The following MON2 variants were observed in gnomAD, a reference collection of about 807,000 sequenced individuals.
MON2 encodes the protein MON2 regulator of endosome-to-Golgi trafficking, also known as protein MON2 homolog.
MON2 carries 84 observed loss-of-function variants against 208.6 expected under a neutral mutation model. The ratio of observed to expected loss-of-function variants is 0.40; its 90% CI spans 0.34 to 0.48. The LOEUF (loss-of-function observed/expected upper bound fraction) is 0.48, where lower values mean the gene tolerates loss of function less well. Among genes scored for constraint, MON2 ranks in the 20% least tolerant of loss-of-function variants. MON2 has a pLI of 0.59. For missense variants in MON2, 1,611 were observed against 2,015.4 expected (o/e 0.80, Z 3.84); for synonymous variants, 660 against 694.0 (o/e 0.95, Z 0.77).
chr12:62,481,702 C>A (rs999998060), intron 1 of MON2, among the ~76,000 whole-genome samples: 1 of 152,154 alleles, frequency 6.6e-6, no homozygotes, highest in East Asian at 1.9e-4. Context: ...TGTTTTTCTT[C>A]TAGGAGATGT....
chr12:62,501,804 G>C, intron 7 of MON2, 106 bp downstream of exon 7: 1 of 1,244,988 alleles, frequency 8.0e-7, no homozygotes, highest in Non-Finnish European at 1.1e-6. Flanking sequence ...GTGGCAAAGA[G>C]GCCAGAGTTG....
At chr12:62,589,038 T>C in intron 34 of MON2, 1 of 537,042 alleles carries the variant, frequency 1.9e-6, no homozygotes, top group Non-Finnish European at 3.0e-6. Flanking sequence ...GTTAAGATTT[T>C]TGAGGGGCTT....
chr12:62,563,451 A>T (rs939374846), intron 26 of MON2, among the ~76,000 whole-genome samples: 1 of 152,066 alleles, frequency 6.6e-6, no homozygotes, highest in African/African-American at 2.4e-5. Flanking sequence ...GGTGTTCAAT[A>T]TTTTTTCTTG....
At chr12:62,584,155 C>T (rs1443183835) in intron 32 of MON2, among the ~76,000 whole-genome samples, 1 of 151,940 alleles carries the variant, frequency 6.6e-6, no homozygotes, top group East Asian at 1.9e-4. Context: ...AGCATGCATC[C>T]TAATCAACCA....
chr12:62,552,154 A>C (rs952760192), intron 23 of MON2, among the ~76,000 whole-genome samples: 1 of 152,192 alleles, frequency 6.6e-6, no homozygotes, highest in Non-Finnish European at 1.5e-5. Flanking sequence ...ACACCATTTT[A>C]TATAACAGAC....
At chr12:62,488,587 T>A (rs1023275287) in intron 2 of MON2, among the ~76,000 whole-genome samples, 5 of 152,140 alleles carry the variant, frequency 3.3e-5, no homozygotes, top group Admixed American at 2.6e-4. Context: ...GATAGCAGTG[T>A]GGAAGATATA....
intron 1 of MON2, among the ~76,000 whole-genome samples, chr12:62,469,872 TTGAC>T (rs2068698408): frequency 6.7e-6 from 1 of 149,778 alleles, no homozygotes; most frequent in African/African-American, 2.5e-5. Flanking sequence ...GCCATAGTGC[TTGAC>T]TATTATTTTA....
chr12:62,560,032 T>C lies in MON2; in HGVS notation c.3410-459T>C, dbSNP rs182534406. On this transcript the variant is annotated intron_variant, in intron 25 of 34. Transcript: ENST00000393630. ...ATGCTTTTGTTTCAACCTCGTTGAT[T>C]TAATTTTCTGTTATCCTTTGGCAGA... The C allele has an allele frequency of 3.6e-3, 546 of 152,896 alleles. 2 individuals are homozygous for C. The highest frequency in any genetic ancestry group is 6.2e-3 in the Admixed American group (95 of 15,352). 9.5% of individuals were successfully genotyped at this position (152,896 alleles called of 1,614,324 possible).
At chr12:62,485,627 T>TA (rs1176618668) in intron 2 of MON2, among the ~76,000 whole-genome samples, 13 of 152,268 alleles carry the variant, frequency 8.5e-5, no homozygotes, top group African/African-American at 3.1e-4. Flanking sequence ...TGAGAAGTGG[T>TA]ATAGTGAAAG....
rs1340242890 is a variant in MON2, at chr12:62,524,594, C to T, written c.1064C>T (p.Ala355Val). Residue 355 changes from alanine (A) to valine (V), a missense_variant, in exon 9 of 35, where the codon GCG becomes GTG. Transcript: ENST00000393630. ...AAACCACAGTGGCTACGAGCTGTTGCGGTGGAATCAATACACAGATTCTGT... is the reference window on the plus strand; with the variant it reads ...AAACCACAGTGGCTACGAGCTGTTGTGGTGGAATCAATACACAGATTCTGT... The part of the protein sequence containing the change: ...ADKPQWLRAV[A>V]VESIHRFCVQ... 8 of 1,613,384 alleles carry T rather than the reference C, an allele frequency of 5.0e-6. No individual in the cohort carries two copies. The highest frequency in any genetic ancestry group is 1.7e-5 in the Admixed American group (1 of 59,980).
intron 6 of MON2, 75 bp from the exon 7 acceptor site, chr12:62,501,498 A>G: frequency 6.6e-6 from 10 of 1,521,046 alleles, no homozygotes; most frequent in Non-Finnish European, 8.0e-6. Flanking sequence ...GATTTTTTTT[A>G]AAGATTTATG....
intron 21 of MON2, among the ~76,000 whole-genome samples, chr12:62,545,416 T>G (rs1592355803): frequency 1.3e-5 from 2 of 152,218 alleles, no homozygotes; most frequent in Middle Eastern, 3.4e-3. Context: ...TTTTTTATTT[T>G]AAAATAATTT....
chr12:62,566,536 G>A, intron 29 of MON2, 86 bp downstream of exon 29: 2 of 1,168,892 alleles, frequency 1.7e-6, no homozygotes, highest in East Asian at 2.8e-5. Context: ...TCATTATATT[G>A]GGATAAATAG....
intron 11 of MON2, among the ~76,000 whole-genome samples, chr12:62,528,200 T>C (rs2072438501): frequency 1.3e-5 from 2 of 152,320 alleles, no homozygotes; most frequent in South Asian, 4.1e-4. Flanking sequence ...AACTGTTGAA[T>C]TGGCATCTTT....
chr12:62,543,845 G>A (rs1369636779), intron 20 of MON2, among the ~76,000 whole-genome samples: 1 of 152,106 alleles, frequency 6.6e-6, no homozygotes, highest in Non-Finnish European at 1.5e-5. Context: ...CTGACCTCAG[G>A]TGATCCACCT....
At chr12:62,588,782 C>T (rs1592485383) in intron 34 of MON2, 3 of 777,542 alleles carry the variant, frequency 3.9e-6, no homozygotes, top group Non-Finnish European at 6.1e-6. Context: ...GATTTCATTT[C>T]CCCTACTCTG....
rs772292537 is a variant in MON2 at position 62,525,984 on chromosome 12, G to A, written c.1282G>A (p.Ala428Thr). Residue 428 changes from alanine (A) to threonine (T), a missense_variant, in exon 11 of 35, where the codon GCT (alanine) becomes ACT (threonine). Ala to Thr is a moderately conservative substitution (Grantham distance 58). Transcript: ENST00000393630. ...NNLGGSVSAP[A>T]NSGMVGIGGG... Reference sequence around the variant, plus strand: ...TTTAGGTGGCTCAGTCTCAGCACCAGCTAACTCAGGAATGGTGGGGATTGG... The same window carrying A: ...TTTAGGTGGCTCAGTCTCAGCACCAACTAACTCAGGAATGGTGGGGATTGG... 1.2e-6 allele frequency: 2 copies of A among 1,613,750 alleles called. No homozygotes were observed. Among genetic ancestry groups the A allele is most frequent in the Non-Finnish European group, 1.7e-6 (2 of 1,179,824 alleles).
Position 62,467,318 on chromosome 12 carries a change from G to A in MON2, c.111G>A (p.Glu37=), listed in dbSNP as rs1287703240. ...AGAAGAAATTCCCACCTGTCAAAGA[G>A]GTAAGCTTCAGGTGACGTCAGGAGA... is the stretch of plus-strand genomic sequence containing the variant. ...ECKKKFPPVK[E]AAESGIIKVK... The change falls in exon 1 of 35, where the codon GAG becomes GAA. Residue 37 remains glutamate, a splice_region_variant and synonymous_variant. Transcript: ENST00000393630. The A allele has an allele frequency of 1.9e-6, 3 of 1,613,650 alleles. No homozygotes were observed. In the South Asian group the frequency reaches 3.3e-5, roughly 18 times the overall value.
intron 29 of MON2, 124 bp downstream of exon 29, chr12:62,566,574 A>G: frequency 9.9e-7 from 1 of 1,013,204 alleles, no homozygotes; most frequent in Non-Finnish European, 1.4e-6. Flanking sequence ...ATTATTTGTA[A>G]TGACTTTTCT....
Sources: gnomAD v4.1 joint callset for allele counts (sites outside exome capture counted in the v4.1 genomes callset) on GRCh38, gnomAD v4.1.1 for gene constraint, MANE v1.5 for transcripts, NCBI Gene and HGNC (gene_info 2026-07-23, HGNC 2026-07-21) for gene names.